The following UNC5C variants were observed in gnomAD, a reference collection of about 807,000 sequenced individuals.
UNC5C encodes the protein netrin receptor UNC5C.
Under a neutral mutation model 99.8 loss-of-function variants are expected in UNC5C, and 47 were observed. That is an observed-to-expected ratio of 0.47 (90% CI 0.37 to 0.60). UNC5C has a LOEUF of 0.60. UNC5C is among the 20% of genes least tolerant of loss of function. The pLI is 0.00. For synonymous variants in UNC5C, 487 were observed against 452.2 expected (o/e 1.08, Z -0.98); for missense variants, 1,062 against 1,165.9 (o/e 0.91, Z 1.30).
chr4:95,490,775 A>G (rs573620681), intron 1 of UNC5C, among the ~76,000 whole-genome samples: 54 of 151,790 alleles, frequency 3.6e-4, no homozygotes, highest in Non-Finnish European at 7.2e-4. Flanking sequence ...GACAAACAGT[A>G]AAGTACTTTA....
chr4:95,394,974 C>T (rs997981534), intron 1 of UNC5C, among the ~76,000 whole-genome samples: 1 of 152,170 alleles, frequency 6.6e-6, no homozygotes, highest in African/African-American at 2.4e-5. Flanking sequence ...AATCATTGCT[C>T]AAGTAGGTCA....
chr4:95,446,411 G>GC (rs138499724), intron 1 of UNC5C, among the ~76,000 whole-genome samples: 3,172 of 152,236 alleles, frequency 0.021, 122 homozygotes, highest in African/African-American at 0.073. Context: ...CAGTAATTGT[G>GC]CAATACTCAG....
intron 1 of UNC5C, among the ~76,000 whole-genome samples, chr4:95,396,451 A>AATG (rs936012451): frequency 2.0e-5 from 3 of 152,216 alleles, no homozygotes; most frequent in East Asian, 1.9e-4. Context: ...ATCTAAAGGC[A>AATG]ATGATGATGA....
chr4:95,242,437 C>G lies in UNC5C; in HGVS notation c.1100G>C (p.Cys367Ser). ...LQSKNCTDGLCMQTAPDSDDV... is the reference protein window; with the variant it reads ...LQSKNCTDGLSMQTAPDSDDV... ...TGCTTAAATTGACTTACTCTGCATGCAAAGCCCATCAGTGCAGTTCTTGGA... is the reference window on the plus strand; with the variant it reads ...TGCTTAAATTGACTTACTCTGCATGGAAAGCCCATCAGTGCAGTTCTTGGA... Residue 367 changes from cysteine (C) to serine (S), a missense_variant, in exon 7 of 16, where the codon TGC becomes TCC. Cys to Ser is a moderately radical substitution (Grantham distance 112). Around this residue, in one of 3 missense-constraint regions of UNC5C, gnomAD observed 810 missense variants for 854.5 expected, o/e 0.95. Coordinates refer to ENST00000453304, the MANE Select transcript of UNC5C (RefSeq NM_003728.4). 6.2e-7 allele frequency: 1 copy of G among 1,614,142 alleles called. No individual in the cohort carries two copies. The highest frequency in any genetic ancestry group is 1.1e-5 in the South Asian group (1 of 91,086).
intron 1 of UNC5C, among the ~76,000 whole-genome samples, chr4:95,370,978 T>C (rs1744730703): frequency 6.6e-6 from 1 of 152,204 alleles, no homozygotes; most frequent in South Asian, 2.1e-4. Flanking sequence ...TCACAATACA[T>C]AGCAGGGTCC....
At chr4:95,546,877 T>C (rs1723084155) in intron 1 of UNC5C, among the ~76,000 whole-genome samples, 2 of 152,202 alleles carry the variant, frequency 1.3e-5, no homozygotes, top group Admixed American at 6.5e-5. Flanking sequence ...GTTTGGCATC[T>C]TTGGGGACTT....
chr4:95,476,482 C>A (rs930127403), intron 1 of UNC5C, among the ~76,000 whole-genome samples: 1 of 151,978 alleles, frequency 6.6e-6, no homozygotes, highest in Non-Finnish European at 1.5e-5. Flanking sequence ...AATTACATAA[C>A]CAAATAAAAT....
intron 1 of UNC5C, among the ~76,000 whole-genome samples, chr4:95,436,021 T>C (rs1746774651): frequency 6.6e-6 from 1 of 152,052 alleles, no homozygotes; most frequent in African/African-American, 2.4e-5. Context: ...TTTCCTGTTG[T>C]TATTTATGTG....
Position 95,465,876 on chromosome 4 carries a change from T to C in UNC5C, c.124+82858A>G, listed in dbSNP as rs74402162. Among the ~76,000 whole-genome samples, 1,169 of 152,214 alleles carry C rather than the reference T, an allele frequency of 7.7e-3. 7 individuals are homozygous for C. The highest frequency in any genetic ancestry group is 0.012 in the Non-Finnish European group (792 of 68,006). On this transcript the variant is annotated intron_variant, in intron 1 of 15. Transcript: ENST00000453304. ...ACTCCTGCCCGGGCCTTGGAACATGTTTTCTATCTTCACCAATATTCAGAG... is the reference window on the plus strand; with the variant it reads ...ACTCCTGCCCGGGCCTTGGAACATGCTTTCTATCTTCACCAATATTCAGAG...
At chr4:95,457,253 T>C (rs1293541707) in intron 1 of UNC5C, among the ~76,000 whole-genome samples, 1 of 152,142 alleles carries the variant, frequency 6.6e-6, no homozygotes, top group Admixed American at 6.6e-5. Context: ...ATGTACTGAT[T>C]GCAAACAAAT....
chr4:95,529,803 C>G lies in UNC5C; in HGVS notation c.124+18931G>C, dbSNP rs181289472. Among the ~76,000 whole-genome samples, 742 of 152,192 alleles carry G rather than the reference C, an allele frequency of 4.9e-3. 8 individuals are homozygous for G. Among genetic ancestry groups the G allele is most frequent in the African/African-American group, 0.017 (685 of 41,510 alleles). ...CAATTACTTTGATGCTTTGTTACAACTACATAAACTGTGTGCCTAATGTCA... is the reference window on the plus strand; with the variant it reads ...CAATTACTTTGATGCTTTGTTACAAGTACATAAACTGTGTGCCTAATGTCA... On this transcript the variant is annotated intron_variant, in intron 1 of 15. Coordinates refer to ENST00000453304, the MANE Select transcript of UNC5C (RefSeq NM_003728.4).
At chr4:95,384,900 G>T (rs1283791308) in intron 1 of UNC5C, among the ~76,000 whole-genome samples, 1 of 152,042 alleles carries the variant, frequency 6.6e-6, no homozygotes. Context: ...TAGAGGGGAG[G>T]GACAAGTTAG....
At chr4:95,432,246 C>T (rs765466034) in intron 1 of UNC5C, among the ~76,000 whole-genome samples, 2 of 152,076 alleles carry the variant, frequency 1.3e-5, no homozygotes, top group Non-Finnish European at 2.9e-5. Context: ...CATTTGCTCT[C>T]ATTATAAAAG....
At chr4:95,541,386 G>T (rs1222113370) in intron 1 of UNC5C, among the ~76,000 whole-genome samples, 1 of 150,702 alleles carries the variant, frequency 6.6e-6, no homozygotes, top group Admixed American at 6.6e-5. Flanking sequence ...CAGTGTAGAT[G>T]GGAGTTCCAT....
At chr4:95,175,363 A>G (rs1436351009) in intron 14 of UNC5C, among the ~76,000 whole-genome samples, 12 of 151,734 alleles carry the variant, frequency 7.9e-5, no homozygotes, top group African/African-American at 2.9e-4. Flanking sequence ...TTTTGGCATG[A>G]TTTTGCAGTG....
At chr4:95,190,841 C>T (rs567220909) in intron 12 of UNC5C, among the ~76,000 whole-genome samples, 1 of 152,222 alleles carries the variant, frequency 6.6e-6, no homozygotes, top group African/African-American at 2.4e-5. Flanking sequence ...CCAAAGCAGA[C>T]TGGCCGGCCC....
At chr4:95,266,469 G>A (rs550770539) in intron 4 of UNC5C, among the ~76,000 whole-genome samples, 37 of 152,316 alleles carry the variant, frequency 2.4e-4, no homozygotes, top group Non-Finnish European at 4.6e-4. Flanking sequence ...CATATTGACA[G>A]TATATGGTAT....
intron 14 of UNC5C, among the ~76,000 whole-genome samples, chr4:95,175,837 GT>G (rs1736319169): frequency 6.6e-6 from 1 of 151,950 alleles, no homozygotes; most frequent in Non-Finnish European, 1.5e-5. Context: ...CCTGCAGAGT[GT>G]TTTCCAACTT....
chr4:95,225,395 T>C (rs1738646823), intron 7 of UNC5C, among the ~76,000 whole-genome samples: 1 of 152,084 alleles, frequency 6.6e-6, no homozygotes, highest in Non-Finnish European at 1.5e-5. Flanking sequence ...GTGAAATGCA[T>C]ATCCTGTGAT....
Sources: allele counts gnomAD v4.1 joint callset (sites outside exome capture counted in the v4.1 genomes callset), GRCh38; gene constraint gnomAD v4.1.1; regional missense constraint gnomAD v4.1.1; transcripts MANE v1.5; gene names NCBI Gene and HGNC (gene_info 2026-07-23, HGNC 2026-07-21).